STARD9: variants seen among roughly 807,000 people sequenced by gnomAD.
STARD9 encodes the protein stAR-related lipid transfer protein 9.
In STARD9, 346 loss-of-function variants were observed where a neutral mutation model predicts 399.8. The ratio of observed to expected loss-of-function variants is 0.87; its 90% CI spans 0.79 to 0.95. The LOEUF is 0.95. Ranked by LOEUF, STARD9 falls within the 40% of genes least tolerant of loss-of-function variation. The pLI is 0.00. For missense variants in STARD9, 5,832 were observed against 5,667.5 expected (o/e 1.03, Z -0.93); for synonymous variants, 2,203 against 2,143.5 (o/e 1.03, Z -0.77).
At position 42,686,362 on chromosome 15, in the gene STARD9, A is replaced by G; in HGVS notation, c.4784A>G (p.Glu1595Gly). Residue 1595 changes from glutamate to glycine, a missense_variant, in exon 23 of 33, where the codon GAA (glutamate) becomes GGA (glycine). Physicochemically the swap from Glu to Gly is moderately conservative, Grantham distance 98. This residue lies in a region of STARD9 where 5,828 missense variants were observed against 5,651.1 expected (regional missense o/e 1.03). Coordinates refer to ENST00000290607, the MANE Select transcript of STARD9 (RefSeq NM_020759.3). ...GACGAAACTTATTCGGCAGACTTAG[A>G]ATCATTGTCTGCTTCTCGATCTACA... ...SYDETYSADL[E>G]SLSASRSTNA... The G allele has an allele frequency of 6.5e-7, 1 of 1,537,474 alleles. No homozygotes were observed. Among genetic ancestry groups the G allele is most frequent in the Non-Finnish European group, 8.7e-7 (1 of 1,146,982 alleles).
intron 20 of STARD9, among the ~76,000 whole-genome samples, chr15:42,680,292 G>C (rs1011482578): frequency 5.9e-5 from 9 of 152,124 alleles, no homozygotes; most frequent in African/African-American, 2.2e-4. Flanking sequence ...GCAGAGTAAG[G>C]CATGACTAAA....
At chr15:42,578,171 C>A (rs1049035207) in intron 1 of STARD9, among the ~76,000 whole-genome samples, 2 of 150,950 alleles carry the variant, frequency 1.3e-5, no homozygotes, top group Non-Finnish European at 2.9e-5. Context: ...AGTGCAATGG[C>A]GCGATCTCAG....
chr15:42,644,352 G>C (rs1010121238), intron 7 of STARD9, among the ~76,000 whole-genome samples: 1 of 152,100 alleles, frequency 6.6e-6, no homozygotes, highest in Non-Finnish European at 1.5e-5. Context: ...AATTAGCCGG[G>C]TGTGGTGGCG....
chr15:42,688,432 G>A lies in STARD9; in HGVS notation c.6854G>A (p.Ser2285Asn), dbSNP rs561536731. 94 of 1,537,730 alleles carry A rather than the reference G, an allele frequency of 6.1e-5. No homozygotes were observed. In the East Asian group the frequency reaches 1.6e-3, roughly 26 times the overall value. Residue 2285 changes from serine to asparagine, a missense_variant, in exon 23 of 33, where the codon AGC (serine) becomes AAC (asparagine). This residue lies in a region of STARD9 where 5,828 missense variants were observed against 5,651.1 expected (regional missense o/e 1.03). Transcript: ENST00000290607. ...VEEMPMQRGG[S>N]LQEENKVTQK... ...GAAATGCCTATGCAAAGGGGAGGCA[G>A]CCTTCAGGAAGAAAATAAAGTGACT... is the stretch of plus-strand genomic sequence containing the variant.
chr15:42,670,073 TAAA>T (rs1050830225), intron 16 of STARD9: 17 of 151,956 alleles, frequency 1.1e-4, no homozygotes, highest in African/African-American at 4.1e-4. Context: ...ATAAAATAAA[TAAA>T]AATAATGTTT....
chr15:42,632,139 A>G (rs2059344319), intron 3 of STARD9, among the ~76,000 whole-genome samples: 1 of 152,202 alleles, frequency 6.6e-6, no homozygotes, highest in South Asian at 2.1e-4. Context: ...GGGTACATAT[A>G]TATTTATAAT....
At chr15:42,718,243 T>C (rs1477570592) in intron 30 of STARD9, 64 bp downstream of exon 30, 5 of 1,461,188 alleles carry the variant, frequency 3.4e-6, no homozygotes, top group Non-Finnish European at 4.6e-6. Flanking sequence ...GGGGTCTTGC[T>C]GGGGGATAGA....
At chr15:42,645,831 C>T (rs538041733) in intron 7 of STARD9, among the ~76,000 whole-genome samples, 14 of 151,926 alleles carry the variant, frequency 9.2e-5, no homozygotes, top group African/African-American at 3.4e-4. Flanking sequence ...TGTGAGTCAC[C>T]GCGCCCAGCC....
In STARD9 at chr15:42,693,398, T is replaced by C; in HGVS notation, c.11820T>C (p.Pro3940=). The part of the protein sequence containing the change: ...GHQKLDSSPD[P]VDAPRTPMDN... ...AGAAGCTTGACTCCAGCCCAGACCC[T>C]GTTGATGCCCCAAGGACTCCAATGG... The change falls in exon 23 of 33, where the codon CCT becomes CCC. Residue 3940 remains proline (P), a synonymous_variant. Coordinates refer to ENST00000290607, the MANE Select transcript of STARD9 (RefSeq NM_020759.3). The C allele has an allele frequency of 6.5e-7, 1 of 1,537,166 alleles. No homozygotes were observed. The highest frequency in any genetic ancestry group is 8.7e-7 in the Non-Finnish European group (1 of 1,146,884).
At position 42,693,746 on chromosome 15, in the gene STARD9, A is replaced by G; in HGVS notation, c.12168A>G (p.Thr4056=). 1 of 1,536,718 alleles carries G rather than the reference A, an allele frequency of 6.5e-7. No homozygotes were observed. Among genetic ancestry groups the G allele is most frequent in the South Asian group, 1.2e-5 (1 of 84,050 alleles). Residue 4056 remains threonine (T), a synonymous_variant, in exon 23 of 33, where the codon ACA becomes ACG. Coordinates refer to ENST00000290607, the MANE Select transcript of STARD9 (RefSeq NM_020759.3). The stretch of plus-strand genomic sequence containing the variant: ...AGCCAAGTCAGTGGCAGAGCAGGAC[A>G]GAAAATGGAGGTGAGAGTTCAGCAT... ...GREPSQWQSR[T]ENGGESSASP...
intron 26 of STARD9, among the ~76,000 whole-genome samples, chr15:42,697,889 AT>A (rs1877303565): frequency 6.6e-6 from 1 of 152,170 alleles, no homozygotes; most frequent in Admixed American, 6.5e-5. Flanking sequence ...ATACAGGGAA[AT>A]ACCCATCCCC....
intron 26 of STARD9, among the ~76,000 whole-genome samples, chr15:42,714,860 T>C (rs1397368788): frequency 6.6e-6 from 1 of 152,220 alleles, no homozygotes; most frequent in Non-Finnish European, 1.5e-5. Context: ...CTTTTTTTTT[T>C]TCAGATGGCT....
At chr15:42,653,605 G>A (rs2059807285) in intron 9 of STARD9, among the ~76,000 whole-genome samples, 1 of 152,132 alleles carries the variant, frequency 6.6e-6, no homozygotes. Context: ...ACCCTTAGAA[G>A]TCAGGGGGCT....
chr15:42,627,441 G>T (rs751345070), intron 3 of STARD9, among the ~76,000 whole-genome samples: 4 of 152,128 alleles, frequency 2.6e-5, no homozygotes, highest in Admixed American at 6.5e-5. Flanking sequence ...CTTTCTTTAT[G>T]TTACAAACAT....
chr15:42,624,815 C>T (rs2059166112), intron 3 of STARD9, among the ~76,000 whole-genome samples: 1 of 152,138 alleles, frequency 6.6e-6, no homozygotes, highest in African/African-American at 2.4e-5. Context: ...TCCCTAAGTT[C>T]TGGGTTTACA....
intron 4 of STARD9, 97 bp from the exon 5 acceptor site, chr15:42,637,810 C>T: frequency 7.9e-7 from 1 of 1,260,126 alleles, no homozygotes; most frequent in Non-Finnish European, 1.1e-6. Flanking sequence ...GGAGTCCATG[C>T]ACTCATCCCC....
In STARD9 at chr15:42,720,155, T is replaced by A. The variant is rs912909908; in HGVS notation, c.*581T>A. On this transcript the variant is annotated 3_prime_UTR_variant, in exon 33 of 33. Transcript: ENST00000290607. The stretch of plus-strand genomic sequence containing the variant: ...TTTTGCAAAATACTTTATTATTGAT[T>A]TTTGCTTTTTTTCTCCCTTTCCCTC... 1.3e-5 allele frequency: 2 copies of A among 152,352 alleles called. No individual in the cohort carries two copies. The highest frequency in any genetic ancestry group is 4.8e-5 in the African/African-American group (2 of 41,448). The allele number at this position is 152,352 out of a possible 1,614,324, so 9.4% of individuals were successfully genotyped here.
chr15:42,716,555 C>T lies in STARD9; in HGVS notation c.13285-122C>T, dbSNP rs2061354465. ...GGGGACATCGAGCCTCTTGTATTCC[C>T]ATCTGGGAAGACCTTTGCAGTTGAG... On this transcript the variant is annotated intron_variant, in intron 26 of 32. Transcript: ENST00000290607. 6.0e-6 allele frequency: 4 copies of T among 664,480 alleles called. No homozygotes were observed. In the Admixed American group the frequency reaches 9.1e-5, roughly 15 times the overall value. The allele number at this position is 664,480 out of a possible 1,614,324, so 41.2% of individuals were successfully genotyped here.
intron 9 of STARD9, among the ~76,000 whole-genome samples, chr15:42,656,327 T>TTAA (rs2059870495): frequency 5.7e-5 from 2 of 35,316 alleles, no homozygotes; most frequent in South Asian, 8.3e-4. Context: ...AGCCATCTCC[T>TTAA]AAAAAAAAAA....
Sources: gnomAD v4.1 joint callset for allele counts (sites outside exome capture counted in the v4.1 genomes callset) on GRCh38, gnomAD v4.1.1 for gene constraint, gnomAD v4.1.1 regional missense constraint, MANE v1.5 for transcripts, NCBI Gene and HGNC (gene_info 2026-07-23, HGNC 2026-07-21) for gene names.